TACR2: variants seen among roughly 807,000 people sequenced by gnomAD.
TACR2 encodes substance-K receptor.
Under a neutral mutation model 28.9 loss-of-function variants are expected in TACR2, and 24 were observed. The ratio of observed to expected loss-of-function variants is 0.83; its 90% CI spans 0.60 to 1.17. The LOEUF is 1.17. Among genes scored for constraint, TACR2 ranks in the 50% most tolerant of loss-of-function variants. TACR2 has a pLI of 0.00. For synonymous variants in TACR2, 222 were observed against 212.6 expected (o/e 1.04, Z -0.38); for missense variants, 487 against 524.4 (o/e 0.93, Z 0.70).
intron 1 of TACR2, 89 bp downstream of exon 1, chr10:69,415,843 T>G: frequency 6.8e-7 from 1 of 1,476,076 alleles, no homozygotes; most frequent in Non-Finnish European, 9.2e-7. Context: ...TACCCAAACT[T>G]GCTGTGTAAT....
intron 3 of TACR2, 119 bp from the exon 4 acceptor site, chr10:69,407,399 T>G (rs1259925552): frequency 1.1e-6 from 1 of 948,180 alleles, no homozygotes; most frequent in Non-Finnish European, 1.6e-6. Context: ...ACAGACCCCG[T>G]TAGCTCTATT....
chr10:69,404,273 TC>T lies in TACR2; in HGVS notation c.*552del, dbSNP rs1316660920. On this transcript the variant is annotated 3_prime_UTR_variant, in exon 5 of 5. Coordinates refer to ENST00000373306, the MANE Select transcript of TACR2 (RefSeq NM_001057.3). ...TGGCTGAGTCCTCTTAAAGTCAGCA[TC>T]CTTTCTGGAGTTCTGGCCCCATGTT... 6.6e-6 allele frequency: 1 copy of T among 152,260 alleles called. No individual in the cohort carries two copies. The highest frequency in any genetic ancestry group is 2.4e-5 in the African/African-American group (1 of 41,460). 9.4% of individuals were successfully genotyped at this position (152,260 alleles called of 1,614,324 possible).
At position 69,415,926 on chromosome 10, in the gene TACR2, T is replaced by C; in HGVS notation, c.392+6A>G. 6.2e-7 allele frequency: 1 copy of C among 1,611,652 alleles called. No homozygotes were observed. The highest frequency in any genetic ancestry group is 8.5e-7 in the Non-Finnish European group (1 of 1,177,908). On this transcript the variant is annotated splice_donor_region_variant and intron_variant, in intron 1 of 4. Transcript: ENST00000373306. ...CTCCCCCCAGCTTCCCCAAGGACCC[T>C]CTTGCCTGTCGGCAGCAATGGCGGT...
chr10:69,416,631 A>C lies in TACR2; in HGVS notation c.-308T>G. The C allele has an allele frequency of 5.1e-5, 14 of 276,556 alleles. No individual in the cohort carries two copies. The highest frequency in any genetic ancestry group is 1.3e-4 in the East Asian group (2 of 15,260). 17.1% of individuals were successfully genotyped at this position (276,556 alleles called of 1,614,324 possible). A position where few individuals can be genotyped will look rare whatever the true frequency, so the allele number is the denominator to read the frequency against. ...GTCAGAGCAGAAAACACCCTTATAA[A>C]TCAACCCCTTCGCTGAAGAGATGGA... On this transcript the variant is annotated 5_prime_UTR_variant, in exon 1 of 5. Coordinates refer to ENST00000373306, the MANE Select transcript of TACR2 (RefSeq NM_001057.3).
intron 2 of TACR2, among the ~76,000 whole-genome samples, chr10:69,410,804 G>A (rs1840564010): frequency 6.6e-6 from 1 of 152,210 alleles, no homozygotes; most frequent in South Asian, 2.1e-4. Flanking sequence ...CGTAGGCTGT[G>A]ACTCACGTAG....
At position 69,407,131 on chromosome 10, in the gene TACR2, C is replaced by T; in HGVS notation, c.891G>A (p.Met297Ile). ...QVYLALFWLA[M>I]SSTMYNPIIY... ...TGATGGGATTGTACATGGTAGAGCT[C>T]ATGGCCAACCAGAAGAGTGCCAGGT... Residue 297 changes from methionine to isoleucine, a missense_variant, in exon 4 of 5, where the codon ATG becomes ATA. By Grantham distance (10) the Met-to-Ile change is conservative. Transcript: ENST00000373306. The T allele has an allele frequency of 6.2e-7, 1 of 1,614,004 alleles. No homozygotes were observed. The highest frequency in any genetic ancestry group is 8.5e-7 in the Non-Finnish European group (1 of 1,179,962).
intron 2 of TACR2, among the ~76,000 whole-genome samples, chr10:69,414,294 C>T (rs558990118): frequency 1.3e-5 from 2 of 152,330 alleles, no homozygotes; most frequent in Middle Eastern, 3.4e-3. Context: ...AGTCTCCTGC[C>T]GCTTTGTGGC....
chr10:69,412,131 A>G (rs1840574061), intron 2 of TACR2, among the ~76,000 whole-genome samples: 1 of 152,182 alleles, frequency 6.6e-6, no homozygotes, highest in Admixed American at 6.5e-5. Context: ...GATTTGAGTA[A>G]TTATAAAACT....
At chr10:69,407,422 G>C (rs545038354) in intron 3 of TACR2, 142 bp from the exon 4 acceptor site, 19 of 833,646 alleles carry the variant, frequency 2.3e-5, no homozygotes, top group Non-Finnish European at 3.4e-5. Flanking sequence ...TCAGGCCTCT[G>C]AGCATGTTTT....
chr10:69,405,182 A>G (rs1840491108), intron 4 of TACR2, 98 bp from the exon 5 acceptor site: 1 of 987,230 alleles, frequency 1.0e-6, no homozygotes, highest in Non-Finnish European at 1.5e-6. Context: ...CTTCCAGAGG[A>G]AAGTCACTGT....
chr10:69,414,874 C>T (rs534981084), intron 2 of TACR2, 71 bp downstream of exon 2: 96 of 1,458,642 alleles, frequency 6.6e-5, no homozygotes, highest in Non-Finnish European at 4.1e-5. Flanking sequence ...TGCATGCACG[C>T]GTGTGTACAC....
At chr10:69,410,287 T>C (rs1840558620) in intron 2 of TACR2, among the ~76,000 whole-genome samples, 1 of 151,652 alleles carries the variant, frequency 6.6e-6, no homozygotes, top group African/African-American at 2.4e-5. Flanking sequence ...GAGACCAGGA[T>C]GGGAGGACTG....
At chr10:69,406,004 C>T (rs1188997783) in intron 4 of TACR2, among the ~76,000 whole-genome samples, 6 of 152,208 alleles carry the variant, frequency 3.9e-5, no homozygotes, top group Non-Finnish European at 7.3e-5. Flanking sequence ...GGGGGTGACA[C>T]CTGCTTCTCT....
chr10:69,413,493 G>A (rs966167091), intron 2 of TACR2, among the ~76,000 whole-genome samples: 1 of 152,226 alleles, frequency 6.6e-6, no homozygotes, highest in Admixed American at 6.5e-5. Context: ...GAGCCAGAAA[G>A]CCGGGCATTC....
At chr10:69,409,817 T>G (rs2133006944) in intron 2 of TACR2, among the ~76,000 whole-genome samples, 1 of 148,014 alleles carries the variant, frequency 6.8e-6, no homozygotes, top group African/African-American at 2.5e-5. Flanking sequence ...GAGTGTATCC[T>G]ACAGTATAGC....
chr10:69,409,865 G>GTATATA, intron 2 of TACR2, among the ~76,000 whole-genome samples: 1 of 118,988 alleles, frequency 8.4e-6, no homozygotes, highest in Admixed American at 9.6e-5. Context: ...ATATGTATAT[G>GTATATA]TATATATATA....
At position 69,416,147 on chromosome 10, in the gene TACR2, C is replaced by T. The variant is rs763307131; in HGVS notation, c.177G>A (p.Leu59=). 4.3e-6 allele frequency: 7 copies of T among 1,614,194 alleles called. No individual in the cohort carries two copies. The East Asian group carries it at 1.6e-4, about 36-fold the overall frequency. The change falls in exon 1 of 5, where the codon CTG becomes CTA. Residue 59 remains leucine (L), a synonymous_variant. Transcript: ENST00000373306. Reference sequence around the variant, plus strand: ...TGACTGTGCGCATCCTCCGATGGGCCAGGATGATCCAGATGACGATGGCAT... The same window carrying T: ...TGACTGTGCGCATCCTCCGATGGGCTAGGATGATCCAGATGACGATGGCAT... ...TGNAIVIWII[L]AHRRMRTVTN...
At chr10:69,414,223 G>A (rs1053156713) in intron 2 of TACR2, among the ~76,000 whole-genome samples, 6 of 152,264 alleles carry the variant, frequency 3.9e-5, no homozygotes, top group Middle Eastern at 3.4e-3. Flanking sequence ...CCTCCAGCCT[G>A]TGATGCCCAC....
intron 4 of TACR2, 108 bp downstream of exon 4, chr10:69,406,976 A>G: frequency 8.5e-7 from 1 of 1,176,888 alleles, no homozygotes; most frequent in Non-Finnish European, 1.2e-6. Flanking sequence ...ACAGGGCCAC[A>G]GGTTCCGGCA....
Sources: allele counts gnomAD v4.1 joint callset (sites outside exome capture counted in the v4.1 genomes callset), GRCh38; gene constraint gnomAD v4.1.1; transcripts MANE v1.5; gene names NCBI Gene and HGNC (gene_info 2026-07-23, HGNC 2026-07-21).